TMEM123: variants seen among roughly 807,000 people sequenced by gnomAD.
TMEM123 encodes porimin.
TMEM123 carries 16 observed loss-of-function variants against 19.7 expected under a neutral mutation model. The observed-to-expected ratio is 0.81, with a 90% CI of 0.55 to 1.23. TMEM123 has a LOEUF of 1.23. Among genes scored for constraint, TMEM123 ranks in the 50% most tolerant of loss-of-function variants. The pLI is 0.00. For synonymous variants in TMEM123, 118 were observed against 99.4 expected (o/e 1.19, Z -1.12); for missense variants, 313 against 257.8 (o/e 1.21, Z -1.47).
intron 2 of TMEM123, among the ~76,000 whole-genome samples, chr11:102,427,051 G>GTT (rs1207051369): frequency 6.7e-6 from 1 of 149,238 alleles, no homozygotes; most frequent in Admixed American, 6.7e-5. Flanking sequence ...AAGTTGCAGG[G>GTT]TTTTTTGTTT....
At chr11:102,425,520 C>T (rs1434426960) in intron 2 of TMEM123, among the ~76,000 whole-genome samples, 2 of 149,568 alleles carry the variant, frequency 1.3e-5, no homozygotes, top group Admixed American at 1.3e-4. Flanking sequence ...ATCAATGCCA[C>T]ATCCACTCAG....
intron 2 of TMEM123, among the ~76,000 whole-genome samples, chr11:102,434,961 T>TG (rs1317600144): frequency 3.3e-5 from 5 of 152,042 alleles, no homozygotes; most frequent in African/African-American, 1.2e-4. Flanking sequence ...CAACATATTG[T>TG]GAGCTATAGT....
At chr11:102,411,646 A>T (rs908729441) in intron 2 of TMEM123, among the ~76,000 whole-genome samples, 2 of 152,008 alleles carry the variant, frequency 1.3e-5, no homozygotes, top group Non-Finnish European at 2.9e-5. Flanking sequence ...ATTGGATTGT[A>T]GGACACTCAG....
chr11:102,401,548 T>C lies in TMEM123; in HGVS notation c.593A>G (p.Tyr198Cys), dbSNP rs753904274. The change falls in exon 4 of 5, where the codon TAT becomes TGT. Residue 198 changes from tyrosine to cysteine, a missense_variant. Tyr to Cys is a radical substitution (Grantham distance 194, BLOSUM62 -2). Coordinates refer to ENST00000398136, the MANE Select transcript of TMEM123 (RefSeq NM_052932.3). Reference protein sequence around the residue: ...KMYYSRRGIRYRTIDEHDAII With the variant: ...KMYYSRRGIRCRTIDEHDAII ...GCCATTCAAAACTTACATGGTTCGA[T>C]ACCGAATGCCTCTTCTTGAGTAATA... The C allele has an allele frequency of 1.3e-6, 2 of 1,581,054 alleles. No homozygotes were observed. Among genetic ancestry groups the C allele is most frequent in the Non-Finnish European group, 1.7e-6 (2 of 1,171,404 alleles).
At chr11:102,426,859 TC>T (rs57729827) in intron 2 of TMEM123, among the ~76,000 whole-genome samples, 196 of 4,138 alleles carry the variant, frequency 0.047, 45 homozygotes, top group African/African-American at 0.086. Flanking sequence ...TTAAAGTAGT[TC>T]CCCCCCCCCC....
chr11:102,429,839 G>C (rs866568327), intron 2 of TMEM123, among the ~76,000 whole-genome samples: 5 of 152,194 alleles, frequency 3.3e-5, no homozygotes, highest in Non-Finnish European at 7.3e-5. Flanking sequence ...GCTTTCCTGT[G>C]TCACTTTTAT....
intron 2 of TMEM123, among the ~76,000 whole-genome samples, chr11:102,410,920 A>C (rs1951998755): frequency 6.6e-6 from 1 of 152,086 alleles, no homozygotes; most frequent in Non-Finnish European, 1.5e-5. Flanking sequence ...CATTTTTCTG[A>C]ACTTTTATTA....
Position 102,397,574 on chromosome 11 carries a change from G to C in TMEM123, c.*1293C>G, listed in dbSNP as rs1349452204. ...CTCTCCATTAACATAATGCATCTGA[G>C]AGTACTTCTCCTTCAGCATGGAGTA... On this transcript the variant is annotated 3_prime_UTR_variant, in exon 5 of 5. Transcript: ENST00000398136. 1 of 152,188 alleles carries C rather than the reference G, an allele frequency of 6.6e-6. No individual in the cohort carries two copies. The highest frequency in any genetic ancestry group is 2.4e-5 in the African/African-American group (1 of 41,450). 9.4% of individuals were successfully genotyped at this position (152,188 alleles called of 1,614,324 possible). A position where few individuals can be genotyped will look rare whatever the true frequency, so the allele number is the denominator to read the frequency against.
intron 2 of TMEM123, among the ~76,000 whole-genome samples, chr11:102,424,604 G>C (rs1036277433): frequency 6.6e-6 from 1 of 152,058 alleles, no homozygotes; most frequent in African/African-American, 2.4e-5. Context: ...TGGGAGAATC[G>C]CTTGAACCCA....
At chr11:102,404,701 G>A (rs1951940448) in intron 2 of TMEM123, among the ~76,000 whole-genome samples, 1 of 152,092 alleles carries the variant, frequency 6.6e-6, no homozygotes, top group South Asian at 2.1e-4. Context: ...CCAGGTTCAA[G>A]CAATTCTCCT....
At chr11:102,408,514 G>C (rs763314874) in intron 2 of TMEM123, among the ~76,000 whole-genome samples, 1 of 152,170 alleles carries the variant, frequency 6.6e-6, no homozygotes, top group Non-Finnish European at 1.5e-5. Context: ...TAATCTCTCT[G>C]AGATTCACTA....
At chr11:102,413,275 C>T (rs1413168275) in intron 2 of TMEM123, among the ~76,000 whole-genome samples, 1 of 152,124 alleles carries the variant, frequency 6.6e-6, no homozygotes, top group Non-Finnish European at 1.5e-5. Flanking sequence ...TTAATCCACA[C>T]CAAGAGAAAG....
At chr11:102,413,899 C>T (rs572083719) in intron 2 of TMEM123, among the ~76,000 whole-genome samples, 17 of 152,314 alleles carry the variant, frequency 1.1e-4, no homozygotes, top group African/African-American at 4.1e-4. Context: ...AATTAAGAAT[C>T]TGGAGGGCAA....
chr11:102,423,887 G>A (rs543884545), intron 2 of TMEM123, among the ~76,000 whole-genome samples: 48 of 152,156 alleles, frequency 3.2e-4, no homozygotes, highest in Non-Finnish European at 3.4e-4. Context: ...TATTAAGTGC[G>A]TGCATTATTA....
chr11:102,411,687 A>G (rs1952006168), intron 2 of TMEM123, among the ~76,000 whole-genome samples: 1 of 152,078 alleles, frequency 6.6e-6, no homozygotes, highest in Non-Finnish European at 1.5e-5. Flanking sequence ...GAGGTGGGAA[A>G]AAAAAAAAAC....
chr11:102,402,745 T>C (rs938349449), intron 2 of TMEM123, among the ~76,000 whole-genome samples: 1 of 152,246 alleles, frequency 6.6e-6, no homozygotes, highest in Non-Finnish European at 1.5e-5. Flanking sequence ...CTTCCCACTA[T>C]GCATTAGGAA....
At chr11:102,406,530 G>A (rs1358875940) in intron 2 of TMEM123, among the ~76,000 whole-genome samples, 1 of 152,002 alleles carries the variant, frequency 6.6e-6, no homozygotes, top group Non-Finnish European at 1.5e-5. Context: ...GTTTCCCATG[G>A]ACCAAATCAA....
chr11:102,447,837 G>C, intron 2 of TMEM123, among the ~76,000 whole-genome samples: 1 of 152,052 alleles, frequency 6.6e-6, no homozygotes, highest in East Asian at 1.9e-4. Flanking sequence ...ATGAAACAAA[G>C]AACAGCAGTA....
At chr11:102,438,799 C>T (rs1379058266) in intron 2 of TMEM123, among the ~76,000 whole-genome samples, 4 of 152,196 alleles carry the variant, frequency 2.6e-5, no homozygotes, top group African/African-American at 9.7e-5. Flanking sequence ...CACTGCATCA[C>T]CCGGGAAGCA....
Sources: allele counts gnomAD v4.1 joint callset (sites outside exome capture counted in the v4.1 genomes callset), GRCh38; gene constraint gnomAD v4.1.1; transcripts MANE v1.5; gene names NCBI Gene and HGNC (gene_info 2026-07-23, HGNC 2026-07-21).